The following PDE10A variants were observed in gnomAD, a reference collection of about 807,000 sequenced individuals.
PDE10A encodes cAMP and cAMP-inhibited cGMP 3',5'-cyclic phosphodiesterase 10A.
A neutral mutation model predicts 97.7 loss-of-function variants in PDE10A; 39 were observed. That is an observed-to-expected ratio of 0.40 (90% CI 0.31 to 0.52). The LOEUF is 0.52. Ranked by LOEUF, PDE10A falls within the 20% of genes least tolerant of loss-of-function variation. The pLI, the probability that PDE10A is intolerant of heterozygous loss-of-function variation, is 0.56. For missense variants in PDE10A, 731 were observed against 1,047.8 expected (o/e 0.70, Z 4.17); for synonymous variants, 371 against 376.8 (o/e 0.98, Z 0.18).
rs190977613 is a variant in PDE10A, at chr6:165,399,688, T to C, written c.2077-3229A>G. 1.7e-4 allele frequency among the ~76,000 whole-genome samples: 26 copies of C among 152,228 alleles called. No individual in the cohort carries two copies. The East Asian group carries it at 4.4e-3, about 26-fold the overall frequency. On this transcript the variant is annotated intron_variant, in intron 13 of 21. Transcript: ENST00000539869. ...AGAACATGTGGTGTTTGGTTTTCTG[T>C]CCTTGCGATAGTTTGCGGAGAATGA...
chr6:165,891,468 G>C (rs1018479220), intron 1 of PDE10A, among the ~76,000 whole-genome samples: 1 of 152,156 alleles, frequency 6.6e-6, no homozygotes, highest in Non-Finnish European at 1.5e-5. Context: ...CAGCCAGGGA[G>C]AACCAGCCCC....
chr6:165,917,393 C>T lies in PDE10A; in HGVS notation c.-615+70136G>A, dbSNP rs575817170. Reference sequence around the variant, plus strand: ...CACATCACCTCCATCATCCAGGACACATGGGAGCTAAGCTGGACAAGGTTG... The same window carrying T: ...CACATCACCTCCATCATCCAGGACATATGGGAGCTAAGCTGGACAAGGTTG... On this transcript the variant is annotated intron_variant, in intron 1 of 19. Transcript: ENST00000366882. 1.2e-4 allele frequency among the ~76,000 whole-genome samples: 18 copies of T among 152,250 alleles called. No individual in the cohort carries two copies. In the South Asian group the frequency reaches 1.9e-3, roughly 16 times the overall value.
intron 3 of PDE10A, among the ~76,000 whole-genome samples, chr6:165,454,937 G>C (rs1169328717): frequency 1.3e-5 from 2 of 152,080 alleles, no homozygotes; most frequent in Non-Finnish European, 2.9e-5. Context: ...CACAGGCCCA[G>C]AACTCCTTAA....
At chr6:165,757,257 C>A (rs1025118854) in intron 1 of PDE10A, among the ~76,000 whole-genome samples, 2 of 152,154 alleles carry the variant, frequency 1.3e-5, no homozygotes, top group African/African-American at 4.8e-5. Context: ...GCACCGTGCC[C>A]AGCCTAGGAT....
chr6:165,824,376 C>G (rs1309968078), intron 1 of PDE10A, among the ~76,000 whole-genome samples: 1 of 152,200 alleles, frequency 6.6e-6, no homozygotes, highest in Non-Finnish European at 1.5e-5. Context: ...CAATGAGTTT[C>G]TGAGTGGGGT....
intron 1 of PDE10A, among the ~76,000 whole-genome samples, chr6:165,682,428 C>A (rs561328163): frequency 1.3e-5 from 2 of 152,256 alleles, no homozygotes; most frequent in African/African-American, 4.8e-5. Flanking sequence ...GCCGTTGTGC[C>A]CAGCCCCAAA....
chr6:165,503,943 T>C (rs1376978202), intron 2 of PDE10A, among the ~76,000 whole-genome samples: 1 of 152,258 alleles, frequency 6.6e-6, no homozygotes, highest in Non-Finnish European at 1.5e-5. Context: ...CAAGTCAATC[T>C]TGCTACTGTA....
intron 1 of PDE10A, among the ~76,000 whole-genome samples, chr6:165,622,305 C>A (rs371850675): frequency 6.6e-6 from 1 of 151,630 alleles, no homozygotes; most frequent in Non-Finnish European, 1.5e-5. Context: ...TATGTGCATG[C>A]GTGTGTGTCA....
intron 1 of PDE10A, among the ~76,000 whole-genome samples, chr6:165,574,688 T>C (rs1257425582): frequency 6.6e-6 from 1 of 152,212 alleles, no homozygotes; most frequent in African/African-American, 2.4e-5. Context: ...CGGCTCAGAC[T>C]GTACATTAAA....
chr6:165,884,290 C>T (rs1207399014), intron 1 of PDE10A, among the ~76,000 whole-genome samples: 2 of 152,202 alleles, frequency 1.3e-5, no homozygotes, highest in East Asian at 3.8e-4. Context: ...AACGGTGTTC[C>T]TTCCCCAAAG....
intron 1 of PDE10A, among the ~76,000 whole-genome samples, chr6:165,854,988 G>GGAAT (rs56216066): frequency 0.1 from 15,177 of 149,714 alleles, 791 homozygotes; most frequent in Middle Eastern, 0.12. Flanking sequence ...AAGAGGAAGA[G>GGAAT]GAATGAATGA....
At chr6:165,427,003 T>C (rs1413244043) in intron 10 of PDE10A, among the ~76,000 whole-genome samples, 3 of 152,098 alleles carry the variant, frequency 2.0e-5, no homozygotes, top group Non-Finnish European at 4.4e-5. Flanking sequence ...AGAACCCTTG[T>C]GCACAGCTGC....
intron 1 of PDE10A, among the ~76,000 whole-genome samples, chr6:165,856,894 G>A (rs996171913): frequency 1.3e-5 from 2 of 152,184 alleles, no homozygotes; most frequent in African/African-American, 4.8e-5. Flanking sequence ...CTGGGATGTG[G>A]TGAATCTCAA....
intron 2 of PDE10A, among the ~76,000 whole-genome samples, chr6:165,500,297 G>T (rs1391035689): frequency 6.6e-6 from 1 of 151,938 alleles, no homozygotes; most frequent in Non-Finnish European, 1.5e-5. Context: ...AAGAGAGAGA[G>T]ATCAGACTGT....
chr6:165,606,517 C>T (rs891854515), intron 1 of PDE10A, among the ~76,000 whole-genome samples: 2 of 152,108 alleles, frequency 1.3e-5, no homozygotes, highest in Non-Finnish European at 2.9e-5. Flanking sequence ...AAAACTTCCA[C>T]GAGTCAGTAA....
At chr6:165,752,592 A>C (rs1351569695) in intron 1 of PDE10A, among the ~76,000 whole-genome samples, 1 of 152,222 alleles carries the variant, frequency 6.6e-6, no homozygotes, top group Non-Finnish European at 1.5e-5. Flanking sequence ...ATTTTCTTAA[A>C]TCAGTAAAAC....
intron 1 of PDE10A, among the ~76,000 whole-genome samples, chr6:165,861,389 TC>T (rs367842538): frequency 2.0e-5 from 3 of 151,458 alleles, no homozygotes; most frequent in South Asian, 2.1e-4. Context: ...GCTTGTCCTC[TC>T]GGGGGGGCGC....
chr6:165,540,754 C>G (rs1259283739), intron 2 of PDE10A, among the ~76,000 whole-genome samples: 5 of 152,136 alleles, frequency 3.3e-5, no homozygotes, highest in African/African-American at 7.2e-5. Flanking sequence ...CTCAGCCTCC[C>G]AAGTAGCTGG....
chr6:165,901,769 T>C (rs925388637), intron 1 of PDE10A, among the ~76,000 whole-genome samples: 1 of 151,898 alleles, frequency 6.6e-6, no homozygotes, highest in Admixed American at 6.6e-5. Context: ...GCCGTTGCAC[T>C]GGTCTGGGCA....
Sources: gnomAD v4.1 joint callset for allele counts (sites outside exome capture counted in the v4.1 genomes callset) on GRCh38, gnomAD v4.1.1 for gene constraint, MANE v1.5 for transcripts, NCBI Gene and HGNC (gene_info 2026-07-23, HGNC 2026-07-21) for gene names.